ZNF143: variants seen among roughly 807,000 people sequenced by gnomAD.
ZNF143 encodes the protein SPH-binding factor.
ZNF143 carries 49 observed loss-of-function variants against 74.1 expected under a neutral mutation model. The observed-to-expected ratio is 0.66, with a 90% CI of 0.53 to 0.84. ZNF143 has a LOEUF of 0.84. Among genes scored for constraint, ZNF143 ranks in the 40% least tolerant of loss-of-function variants. ZNF143 has a pLI of 0.00. For synonymous variants in ZNF143, 304 were observed against 282.8 expected (o/e 1.07, Z -0.75); for missense variants, 637 against 793.4 (o/e 0.80, Z 2.37).
intron 7 of ZNF143, 52 bp downstream of exon 7, chr11:9,479,598 C>G (rs765941751): frequency 2.7e-6 from 4 of 1,483,446 alleles, no homozygotes; most frequent in East Asian, 4.6e-5. Flanking sequence ...TTTCTGTGCC[C>G]TTCTGTGGAT....
intron 12 of ZNF143, among the ~76,000 whole-genome samples, chr11:9,511,102 CTTTTTTTTT>C (rs777285359): frequency 1.4e-5 from 1 of 70,748 alleles, no homozygotes; most frequent in Non-Finnish European, 2.6e-5. Context: ...TTAACAGCTT[CTTTTTTTTT>C]TTTTTTTTTT....
chr11:9,520,782 G>A (rs1003151316), intron 14 of ZNF143, among the ~76,000 whole-genome samples: 3 of 152,066 alleles, frequency 2.0e-5, no homozygotes, highest in Non-Finnish European at 2.9e-5. Flanking sequence ...GCGAGACTCC[G>A]TCTCAAAAAA....
At chr11:9,461,412 A>C (rs892968938) in intron 1 of ZNF143, among the ~76,000 whole-genome samples, 1 of 152,038 alleles carries the variant, frequency 6.6e-6, no homozygotes, top group African/African-American at 2.4e-5. Context: ...AGCCCTCGGG[A>C]GCCTTGGCCG....
intron 3 of ZNF143, 168 bp from the exon 4 acceptor site, chr11:9,473,773 G>C: frequency 6.5e-7 from 1 of 1,535,728 alleles, no homozygotes; most frequent in Non-Finnish European, 8.7e-7. Context: ...TCTGCTTTCT[G>C]TAGGATCACT....
intron 12 of ZNF143, among the ~76,000 whole-genome samples, chr11:9,509,143 G>C (rs568720384): frequency 6.6e-6 from 1 of 152,306 alleles, no homozygotes; most frequent in African/African-American, 2.4e-5. Flanking sequence ...GGAAGCAAAG[G>C]CAAGAGAATG....
At chr11:9,486,396 A>ATAT (rs1245802133) in intron 7 of ZNF143, among the ~76,000 whole-genome samples, 3 of 11,910 alleles carry the variant, frequency 2.5e-4, no homozygotes, top group Non-Finnish European at 5.4e-4. Flanking sequence ...TAATATATAT[A>ATAT]ATATATTATA....
chr11:9,515,135 G>T (rs1565064319), intron 13 of ZNF143, among the ~76,000 whole-genome samples: 1 of 151,698 alleles, frequency 6.6e-6, no homozygotes, highest in Non-Finnish European at 1.5e-5. Flanking sequence ...CAAAAAAAAA[G>T]TCTGAACTAT....
intron 10 of ZNF143, 106 bp downstream of exon 10, chr11:9,497,906 C>T (rs1848021734): frequency 7.0e-6 from 6 of 856,474 alleles, no homozygotes; most frequent in Non-Finnish European, 9.9e-6. Context: ...TCTTGGCTCA[C>T]TGCAAGCTCC....
rs527514696 is a variant in ZNF143, at chr11:9,516,501, C to T, written c.1686+139C>T. The stretch of plus-strand genomic sequence containing the variant: ...TTTGTAACTTCTTAGCTACTTAACC[C>T]TCAGAGCCTGTTTTTCCTCATATGT... On this transcript the variant is annotated intron_variant, in intron 14 of 15. Transcript: ENST00000396602. 5.2e-6 allele frequency: 4 copies of T among 763,064 alleles called. No individual in the cohort carries two copies. The African/African-American group carries it at 7.0e-5, about 13-fold the overall frequency. The allele number at this position is 763,064 out of a possible 1,614,324, so 47.3% of individuals were successfully genotyped here.
intron 8 of ZNF143, among the ~76,000 whole-genome samples, chr11:9,495,120 G>T (rs1384767875): frequency 3.9e-5 from 6 of 152,154 alleles, no homozygotes; most frequent in Admixed American, 3.9e-4. Context: ...CTGAAATCTA[G>T]CAAAAGTTGG....
At chr11:9,483,835 C>T (rs987008203) in intron 7 of ZNF143, among the ~76,000 whole-genome samples, 1 of 149,262 alleles carries the variant, frequency 6.7e-6, no homozygotes, top group Non-Finnish European at 1.5e-5. Context: ...CTGTGACCTC[C>T]GTCTCCTGGG....
chr11:9,465,979 C>A (rs933368990), intron 1 of ZNF143, among the ~76,000 whole-genome samples: 11 of 151,114 alleles, frequency 7.3e-5, no homozygotes, highest in African/African-American at 2.7e-4. Context: ...CAGGTCCAAG[C>A]TACCATGTCT....
chr11:9,519,412 C>T (rs1211979713), intron 14 of ZNF143, among the ~76,000 whole-genome samples: 1 of 152,152 alleles, frequency 6.6e-6, no homozygotes, highest in Non-Finnish European at 1.5e-5. Context: ...TCCCAAAGTG[C>T]TAGGATTACA....
intron 10 of ZNF143, among the ~76,000 whole-genome samples, chr11:9,498,344 G>A (rs1038710321): frequency 5.3e-5 from 8 of 152,176 alleles, no homozygotes; most frequent in Non-Finnish European, 1.0e-4. Context: ...CCTAGACCAC[G>A]AGCTCTCTCA....
At chr11:9,473,751 G>A (rs1260451238) in intron 3 of ZNF143, 190 bp from the exon 4 acceptor site, 14 of 1,518,778 alleles carry the variant, frequency 9.2e-6, no homozygotes, top group Non-Finnish European at 1.2e-5. Flanking sequence ...AAGGATGGCT[G>A]AGGGAGGATT....
intron 7 of ZNF143, among the ~76,000 whole-genome samples, chr11:9,492,873 A>G (rs937045168): frequency 5.3e-5 from 8 of 152,170 alleles, no homozygotes; most frequent in Admixed American, 2.0e-4. Flanking sequence ...GTTTCACACC[A>G]GTGATATAAG....
chr11:9,509,205 A>C (rs1462705542), intron 12 of ZNF143, among the ~76,000 whole-genome samples: 2 of 152,200 alleles, frequency 1.3e-5, no homozygotes, highest in African/African-American at 4.8e-5. Context: ...TGGAGAGACC[A>C]AAGTAAATTG....
At chr11:9,515,817 C>CA (rs951473067) in intron 13 of ZNF143, among the ~76,000 whole-genome samples, 17 of 150,992 alleles carry the variant, frequency 1.1e-4, no homozygotes, top group African/African-American at 3.2e-4. Context: ...CCCATGTCTA[C>CA]AAAAAAAATG....
At chr11:9,511,252 C>T (rs1166335229) in intron 12 of ZNF143, among the ~76,000 whole-genome samples, 1 of 151,198 alleles carries the variant, frequency 6.6e-6, no homozygotes, top group Non-Finnish European at 1.5e-5. Flanking sequence ...GCTGGTATTA[C>T]AGGCATGCTC....
Sources: gnomAD v4.1 joint callset for allele counts (sites outside exome capture counted in the v4.1 genomes callset) on GRCh38, gnomAD v4.1.1 for gene constraint, MANE v1.5 for transcripts, NCBI Gene and HGNC (gene_info 2026-07-23, HGNC 2026-07-21) for gene names.